Variants in CDC42 observed in about 807,000 individuals in gnomAD.
CDC42 encodes the protein cell division control protein 42 homolog.
A neutral mutation model predicts 20.8 loss-of-function variants in CDC42; 1 was observed. The ratio of observed to expected loss-of-function variants is 0.05; its 90% CI spans 0.02 to 0.23. CDC42 has a LOEUF of 0.23. Ranked by LOEUF, CDC42 falls within the 10% of genes least tolerant of loss-of-function variation. CDC42 has a pLI of 1.00. For synonymous variants in CDC42, 72 were observed against 84.8 expected, an observed-to-expected ratio of 0.85 and a Z score of 0.83; for missense variants, 49 against 227.9, an observed-to-expected ratio of 0.21 and a Z score of 5.05.
In CDC42 at chr1:22,093,026, T is replaced by C. The variant is rs1472354485; in HGVS notation, c.*1509T>C. On this transcript the variant is annotated 3_prime_UTR_variant, in exon 6 of 6. Transcript: ENST00000656825. ...AGTGGGAATTTGACTCTTGATAACA[T>C]CAATTTCTAACAAACTTTGGGATAA... 6.6e-6 allele frequency: 1 copy of C among 152,640 alleles called. No homozygotes were observed. The highest frequency in any genetic ancestry group is 2.4e-5 in the African/African-American group (1 of 41,464). The allele number at this position is 152,640 out of a possible 1,614,324, so 9.5% of individuals were successfully genotyped here.
intron 1 of CDC42, among the ~76,000 whole-genome samples, chr1:22,069,976 C>A (rs1029774194): frequency 3.9e-5 from 6 of 152,016 alleles, no homozygotes; most frequent in African/African-American, 1.5e-4. Flanking sequence ...TTGGTAGAGA[C>A]GCAGTTTTGC....
chr1:22,070,705 C>G (rs1458122081), intron 1 of CDC42, among the ~76,000 whole-genome samples: 2 of 151,946 alleles, frequency 1.3e-5, no homozygotes. Flanking sequence ...ACCTCGTGAT[C>G]CGCCTGCCTC....
At chr1:22,067,014 G>T (rs1275275721) in intron 1 of CDC42, among the ~76,000 whole-genome samples, 1 of 152,294 alleles carries the variant, frequency 6.6e-6, no homozygotes, top group African/African-American at 2.4e-5. Context: ...GGTGAGCAGA[G>T]ATTGGGCCAA....
At chr1:22,082,875 A>ATTTTT (rs3036839) in intron 3 of CDC42, among the ~76,000 whole-genome samples, 15 of 140,182 alleles carry the variant, frequency 1.1e-4, no homozygotes, top group Non-Finnish European at 1.2e-4. Context: ...CACAGAGAAA[A>ATTTTT]TTTTTATTTT....
At chr1:22,084,335 GT>G (rs61584354) in intron 3 of CDC42, among the ~76,000 whole-genome samples, 1,614 of 80,564 alleles carry the variant, frequency 0.02, 21 homozygotes, top group African/African-American at 0.066. Flanking sequence ...CTTATTTCCT[GT>G]TTTTTTTTTT....
chr1:22,067,465 G>A (rs1220976282), intron 1 of CDC42, among the ~76,000 whole-genome samples: 1 of 151,990 alleles, frequency 6.6e-6, no homozygotes, highest in Non-Finnish European at 1.5e-5. Context: ...TCCCAAGCAA[G>A]CGATCCTCCT....
At chr1:22,091,197 A>G (rs1230902241) in intron 5 of CDC42, among the ~76,000 whole-genome samples, 1 of 152,154 alleles carries the variant, frequency 6.6e-6, no homozygotes, top group Non-Finnish European at 1.5e-5. Flanking sequence ...AGCTTTCTCA[A>G]AGGACCACTG....
In CDC42 at chr1:22,091,416, ACCCC is replaced by A; in HGVS notation, c.487-11_487-8del. On this transcript the variant is annotated splice_region_variant and splice_polypyrimidine_tract_variant and intron_variant, in intron 5 of 5. Transcript: ENST00000656825. ...ATCAGACCGCCCATTTTTTCTTTCTACCCCTTTTCAGAAAGGCCTAAAGAATGTA... is the reference window on the plus strand; with the variant it reads ...ATCAGACCGCCCATTTTTTCTTTCTATTTTCAGAAAGGCCTAAAGAATGTA... The A allele has an allele frequency of 6.3e-7, 1 of 1,580,496 alleles. No homozygotes were observed. Among genetic ancestry groups the A allele is most frequent in the Non-Finnish European group, 8.7e-7 (1 of 1,155,746 alleles).
chr1:22,079,732 T>G (rs2124010684), intron 2 of CDC42, among the ~76,000 whole-genome samples: 1 of 152,300 alleles, frequency 6.6e-6, no homozygotes, highest in Middle Eastern at 3.4e-3. Context: ...ACATGAATCT[T>G]GTTTCAGAGT....
chr1:22,071,574 A>G (rs1418566691), intron 1 of CDC42, among the ~76,000 whole-genome samples: 1 of 152,174 alleles, frequency 6.6e-6, no homozygotes, highest in Non-Finnish European at 1.5e-5. Flanking sequence ...ATGCTACTAT[A>G]ACTTACAGCA....
chr1:22,076,808 G>T (rs1440141425), intron 1 of CDC42, among the ~76,000 whole-genome samples: 3 of 151,956 alleles, frequency 2.0e-5, no homozygotes, highest in Non-Finnish European at 2.9e-5. Flanking sequence ...AAAGGGAAAG[G>T]AGAAGGAAAA....
Position 22,098,859 on chromosome 1 carries a change from A to C in CDC42, c.*7342A>C, listed in dbSNP as rs922581486. On this transcript the variant is annotated 3_prime_UTR_variant, in exon 6 of 6. Transcript: ENST00000656825. ...CTGCATCCTTGACCTCCCCAGCTCA[A>C]GCGATCCTCCCGCCTCAGCCTCCCG... is the stretch of plus-strand genomic sequence containing the variant. Among the ~76,000 whole-genome samples, 3 of 152,124 alleles carry C rather than the reference A, an allele frequency of 2.0e-5. No individual in the cohort carries two copies. The highest frequency in any genetic ancestry group is 2.0e-4 in the Admixed American group (3 of 15,264).
At chr1:22,083,142 A>G (rs568614292) in intron 3 of CDC42, among the ~76,000 whole-genome samples, 5 of 152,020 alleles carry the variant, frequency 3.3e-5, no homozygotes, top group African/African-American at 1.2e-4. Flanking sequence ...TGGCCTCCCA[A>G]AGTGCTGGGA....
At chr1:22,061,106 T>A (rs1645357603) in intron 1 of CDC42, among the ~76,000 whole-genome samples, 1 of 152,258 alleles carries the variant, frequency 6.6e-6, no homozygotes, top group East Asian at 1.9e-4. Flanking sequence ...GGCTTGGGTG[T>A]CAGATAAATT....
At chr1:22,065,494 C>T (rs1457490109) in intron 1 of CDC42, among the ~76,000 whole-genome samples, 6 of 152,188 alleles carry the variant, frequency 3.9e-5, no homozygotes, top group Non-Finnish European at 1.5e-5. Flanking sequence ...TACTTAACAA[C>T]TGTTCTGACC....
chr1:22,090,751 T>C (rs1645707787), intron 5 of CDC42: 5 of 984,824 alleles, frequency 5.1e-6, no homozygotes, highest in East Asian at 1.1e-4. Flanking sequence ...GAGGGAAATA[T>C]ACAATTGTGG....
intron 1 of CDC42, among the ~76,000 whole-genome samples, chr1:22,057,065 G>C (rs1003497673): frequency 6.6e-6 from 1 of 152,198 alleles, no homozygotes; most frequent in East Asian, 1.9e-4. Flanking sequence ...GAACCAGACT[G>C]CCTGGGTTCA....
chr1:22,096,150 TG>T lies in CDC42; in HGVS notation c.*4636del, dbSNP rs1340810716. On this transcript the variant is annotated 3_prime_UTR_variant, in exon 6 of 6. Transcript: ENST00000656825. ...AATTTTTTGTATTTTTAAGGGAGACTGGGTGTCACTATGTTGGCCAGACAGA... is the reference window on the plus strand; with the variant it reads ...AATTTTTTGTATTTTTAAGGGAGACTGGTGTCACTATGTTGGCCAGACAGA... 6.6e-6 allele frequency among the ~76,000 whole-genome samples: 1 copy of T among 151,468 alleles called. No individual in the cohort carries two copies. The highest frequency in any genetic ancestry group is 2.4e-5 in the African/African-American group (1 of 41,166).
At chr1:22,077,069 T>A (rs957161756) in intron 1 of CDC42, among the ~76,000 whole-genome samples, 1 of 152,016 alleles carries the variant, frequency 6.6e-6, no homozygotes, top group African/African-American at 2.4e-5. Context: ...GGTGGGAGGA[T>A]TGCTTGAGTC....
Sources: gnomAD v4.1 joint callset for allele counts (sites outside exome capture counted in the v4.1 genomes callset) on GRCh38, gnomAD v4.1.1 for gene constraint, MANE v1.5 for transcripts, NCBI Gene and HGNC (gene_info 2026-07-23, HGNC 2026-07-21) for gene names.